The following RPF2 variants were observed in gnomAD, a reference collection of about 807,000 sequenced individuals.
The protein encoded by RPF2 is brix domain containing 1.
In RPF2, 21 loss-of-function variants were observed where a neutral mutation model predicts 38.9. The ratio of observed to expected loss-of-function variants is 0.54; its 90% CI spans 0.38 to 0.78. The LOEUF (loss-of-function observed/expected upper bound fraction) is 0.78. RPF2 is among the 30% of genes least tolerant of loss of function. RPF2 has a pLI of 0.00. For synonymous variants in RPF2, 121 were observed against 126.2 expected (o/e 0.96, Z 0.28); for missense variants, 314 against 358.1 (o/e 0.88, Z 0.99).
At chr6:111,020,955 G>GT (rs1178419595) in intron 8 of RPF2, among the ~76,000 whole-genome samples, 6 of 152,136 alleles carry the variant, frequency 3.9e-5, no homozygotes. Flanking sequence ...AGATCACGAG[G>GT]TCAGGAGATC....
chr6:110,996,442 G>A (rs1014624785), intron 4 of RPF2, among the ~76,000 whole-genome samples: 1 of 152,108 alleles, frequency 6.6e-6, no homozygotes, highest in African/African-American at 2.4e-5. Flanking sequence ...GTCTGCCTCA[G>A]CCTCCCACAG....
intron 8 of RPF2, among the ~76,000 whole-genome samples, chr6:111,020,370 G>A (rs940128616): frequency 1.3e-5 from 2 of 152,060 alleles, no homozygotes; most frequent in Admixed American, 6.6e-5. Context: ...AACATAGAGG[G>A]GATACAAGGG....
intron 6 of RPF2, among the ~76,000 whole-genome samples, chr6:111,005,872 C>T (rs1232978258): frequency 2.0e-5 from 3 of 152,122 alleles, no homozygotes; most frequent in South Asian, 4.1e-4. Context: ...AGTGCTGTGG[C>T]GCTATCTCAG....
chr6:110,997,558 T>C (rs937638221), intron 5 of RPF2, among the ~76,000 whole-genome samples: 6 of 152,090 alleles, frequency 3.9e-5, no homozygotes, highest in Non-Finnish European at 8.8e-5. Context: ...CTGGCCAACA[T>C]GGTGAAACCC....
At chr6:110,993,714 A>C (rs9481135) in intron 4 of RPF2, among the ~76,000 whole-genome samples, 13,798 of 152,154 alleles carry the variant, frequency 0.091, 699 homozygotes, top group Middle Eastern at 0.13. Flanking sequence ...CATTCCCTCT[A>C]TTTGATCTCC....
intron 2 of RPF2, among the ~76,000 whole-genome samples, chr6:110,988,294 A>G (rs1208287949): frequency 6.6e-6 from 1 of 152,242 alleles, no homozygotes; most frequent in Non-Finnish European, 1.5e-5. Flanking sequence ...GGCATTTTTT[A>G]AAGAGCTGTG....
chr6:111,008,047 T>C lies in RPF2; in HGVS notation c.403T>C (p.Cys135Arg). The stretch of plus-strand genomic sequence containing the variant: ...TTTTTTTTTTTTTTAGAACAGTAAA[T>C]GTCCTGAGGGAACAAAACCCATGCT... ...VSLKDIKNSKCPEGTKPMLIF... is the reference protein window; with the variant it reads ...VSLKDIKNSKRPEGTKPMLIF... The change falls in exon 7 of 10, where the codon TGT (cysteine) becomes CGT (arginine). Residue 135 changes from cysteine to arginine, a missense_variant. By Grantham distance (180) the Cys-to-Arg change is radical. Transcript: ENST00000441448. 1.3e-6 allele frequency: 2 copies of C among 1,575,624 alleles called. No homozygotes were observed. Among genetic ancestry groups the C allele is most frequent in the South Asian group, 1.2e-5 (1 of 83,190 alleles).
intron 2 of RPF2, among the ~76,000 whole-genome samples, chr6:110,988,708 C>T (rs773344218): frequency 6.6e-6 from 1 of 152,204 alleles, no homozygotes; most frequent in Non-Finnish European, 1.5e-5. Context: ...GTTGGGATTA[C>T]AGGCGTGAGC....
In RPF2 at chr6:111,007,261, T is replaced by A. The variant is rs575718187; in HGVS notation, c.394-777T>A. Among the ~76,000 whole-genome samples the A allele has an allele frequency of 1.3e-5, 2 of 152,346 alleles. 1 individual carries two copies. The highest frequency in any genetic ancestry group is 4.1e-4 in the South Asian group (2 of 4,834). On this transcript the variant is annotated intron_variant, in intron 6 of 9. Transcript: ENST00000441448. ...TTGGTTGGTTGTGTTGTGTTATGTT[T>A]TGTTTTGTTTTGTTTTCCTTTTGCA...
At chr6:111,022,484 A>G (rs1347320283) in intron 8 of RPF2, among the ~76,000 whole-genome samples, 1 of 152,154 alleles carries the variant, frequency 6.6e-6, no homozygotes, top group East Asian at 1.9e-4. Flanking sequence ...TGAAATGATT[A>G]AGATCAGATC....
intron 7 of RPF2, among the ~76,000 whole-genome samples, chr6:111,013,169 T>G (rs900278363): frequency 1.3e-5 from 2 of 152,216 alleles, no homozygotes; most frequent in Non-Finnish European, 2.9e-5. Context: ...TAAATTGCAG[T>G]TGTTTGTATG....
At chr6:111,013,665 G>A (rs895608921) in intron 7 of RPF2, among the ~76,000 whole-genome samples, 4 of 152,196 alleles carry the variant, frequency 2.6e-5, no homozygotes, top group Non-Finnish European at 5.9e-5. Flanking sequence ...TTTCAGAGCA[G>A]ACTGGAATGT....
At chr6:111,009,960 C>T (rs978539833) in intron 7 of RPF2, among the ~76,000 whole-genome samples, 1 of 152,004 alleles carries the variant, frequency 6.6e-6, no homozygotes, top group Admixed American at 6.6e-5. Flanking sequence ...GGTGTGAGCC[C>T]CCACACCCAG....
In RPF2 at chr6:110,992,234, C is replaced by T. The variant is rs564546953; in HGVS notation, c.234+448C>T. Among the ~76,000 whole-genome samples the T allele has an allele frequency of 5.3e-5, 8 of 151,914 alleles. No individual in the cohort carries two copies. The South Asian group carries it at 8.3e-4, about 16-fold the overall frequency. ...CTGAGGCAGGATAGTCACTTGACCC[C>T]GGGAGGCAGAGGTTTCAGTGAGCCG... is the stretch of plus-strand genomic sequence containing the variant. On this transcript the variant is annotated intron_variant, in intron 4 of 9. Coordinates refer to ENST00000441448, the MANE Select transcript of RPF2 (RefSeq NM_032194.3).
At chr6:111,002,648 A>C (rs1265639713) in intron 6 of RPF2, among the ~76,000 whole-genome samples, 1 of 152,206 alleles carries the variant, frequency 6.6e-6, no homozygotes, top group African/African-American at 2.4e-5. Context: ...CTCATTCTTA[A>C]CAAGAACCAT....
In RPF2 at chr6:111,027,266, A is replaced by C. The variant is rs765999239; in HGVS notation, c.*1684A>C. On this transcript the variant is annotated 3_prime_UTR_variant, in exon 10 of 10. Transcript: ENST00000441448. ...ATAGCTGTTACTCTCCTCTTGCCAG[A>C]AAAATGAAGGAGCTGGTATCATTTA... 3.3e-5 allele frequency: 5 copies of C among 152,212 alleles called. No individual in the cohort carries two copies. Among genetic ancestry groups the C allele is most frequent in the Non-Finnish European group, 7.3e-5 (5 of 68,040 alleles). The allele number at this position is 152,212 out of a possible 1,614,324, so 9.4% of individuals were successfully genotyped here.
intron 2 of RPF2, 89 bp downstream of exon 2, chr6:110,985,227 A>G: frequency 8.6e-7 from 1 of 1,169,348 alleles, no homozygotes; most frequent in South Asian, 1.7e-5. Flanking sequence ...AAATACGTAG[A>G]TAAGCTTGCC....
chr6:110,991,366 C>G (rs953990243), intron 3 of RPF2, among the ~76,000 whole-genome samples: 1 of 147,854 alleles, frequency 6.8e-6, no homozygotes, highest in Non-Finnish European at 1.5e-5. Flanking sequence ...TCATATTTCA[C>G]TGTTGTAAGC....
chr6:110,988,903 A>G, intron 2 of RPF2, 125 bp from the exon 3 acceptor site: 1 of 1,191,648 alleles, frequency 8.4e-7, no homozygotes, highest in Non-Finnish European at 1.2e-6. Context: ...GGAGCCAGGC[A>G]GAAGCCCTCA....
Sources: gnomAD v4.1 joint callset for allele counts (sites outside exome capture counted in the v4.1 genomes callset) on GRCh38, gnomAD v4.1.1 for gene constraint, MANE v1.5 for transcripts, NCBI Gene and HGNC (gene_info 2026-07-23, HGNC 2026-07-21) for gene names.